The following PARN variants were observed in gnomAD, a reference collection of about 807,000 sequenced individuals.
The protein encoded by PARN is poly(A)-specific ribonuclease, also known as poly(A)-specific ribonuclease PARN.
In PARN, 71 loss-of-function variants were observed where a neutral mutation model predicts 102.8. That is an observed-to-expected ratio of 0.69 (90% CI 0.57 to 0.84). PARN has a LOEUF of 0.84. Ranked by LOEUF, PARN falls within the 40% of genes least tolerant of loss-of-function variation. The pLI is 0.00. For synonymous variants in PARN, 261 were observed against 252.9 expected, an observed-to-expected ratio of 1.03 and a Z score of -0.30; for missense variants, 782 against 760.9, an observed-to-expected ratio of 1.03 and a Z score of -0.33.
In PARN at chr16:14,491,612, A is replaced by C. The variant is rs185780410; in HGVS notation, c.1481-8785T>G. ...GACCCCCATCTCTACAACATAAAAC[A>C]TAAAAATAAATTAGCTGGGTGTGGT... On this transcript the variant is annotated intron_variant, in intron 21 of 23. Coordinates refer to ENST00000437198, the MANE Select transcript of PARN (RefSeq NM_002582.4). Among the ~76,000 whole-genome samples, 6 of 152,148 alleles carry C rather than the reference A, an allele frequency of 3.9e-5. No individual in the cohort carries two copies. The East Asian group carries it at 1.2e-3, about 30-fold the overall frequency.
At chr16:14,569,137 C>G (rs1376969468) in intron 18 of PARN, among the ~76,000 whole-genome samples, 1 of 147,914 alleles carries the variant, frequency 6.8e-6, no homozygotes, top group Non-Finnish European at 1.5e-5. Flanking sequence ...GCTAGAGCCT[C>G]GGAGGTGAAG....
At chr16:14,486,152 C>G (rs1013805024) in intron 21 of PARN, among the ~76,000 whole-genome samples, 1 of 152,020 alleles carries the variant, frequency 6.6e-6, no homozygotes, top group South Asian at 2.1e-4. Flanking sequence ...CCCAGGGGTT[C>G]GAGACCAGCC....
intron 17 of PARN, among the ~76,000 whole-genome samples, chr16:14,581,706 G>A (rs1231971610): frequency 1.3e-5 from 2 of 152,072 alleles, no homozygotes; most frequent in Non-Finnish European, 2.9e-5. Context: ...GATCACTTGA[G>A]CCCAGAAATT....
intron 18 of PARN, among the ~76,000 whole-genome samples, chr16:14,557,582 A>T (rs1372579425): frequency 6.6e-6 from 1 of 151,558 alleles, no homozygotes; most frequent in Non-Finnish European, 1.5e-5. Context: ...AAAAAAGCCA[A>T]GCAGGGCAAA....
intron 21 of PARN, among the ~76,000 whole-genome samples, chr16:14,540,284 A>C (rs1966790282): frequency 6.6e-6 from 1 of 152,210 alleles, no homozygotes; most frequent in Non-Finnish European, 1.5e-5. Flanking sequence ...CATACAGTTT[A>C]AGATTAGGAA....
intron 18 of PARN, among the ~76,000 whole-genome samples, chr16:14,566,366 G>A (rs1325510575): frequency 6.6e-6 from 1 of 152,144 alleles, no homozygotes; most frequent in African/African-American, 2.4e-5. Context: ...ACAGAGACTG[G>A]AGTGATGTGG....
intron 18 of PARN, among the ~76,000 whole-genome samples, chr16:14,579,391 G>A (rs1969364333): frequency 6.6e-6 from 1 of 152,180 alleles, no homozygotes. Context: ...TTTATAAGGA[G>A]CTGACTTTAG....
chr16:14,535,352 A>G (rs1966566083), intron 21 of PARN, among the ~76,000 whole-genome samples: 1 of 152,242 alleles, frequency 6.6e-6, no homozygotes, highest in Non-Finnish European at 1.5e-5. Context: ...TCACTCTGGT[A>G]TTAAAGTGAT....
chr16:14,617,872 T>C (rs1259372661), intron 5 of PARN, among the ~76,000 whole-genome samples: 2 of 152,202 alleles, frequency 1.3e-5, no homozygotes, highest in Non-Finnish European at 2.9e-5. Flanking sequence ...ACATCCTTTG[T>C]TTCACAATTT....
chr16:14,516,109 A>G (rs891579616), intron 21 of PARN, among the ~76,000 whole-genome samples: 1 of 152,082 alleles, frequency 6.6e-6, no homozygotes, highest in Non-Finnish European at 1.5e-5. Flanking sequence ...AAAAAATACA[A>G]GAATAAAAAA....
chr16:14,492,332 T>C (rs1024752134), intron 21 of PARN, among the ~76,000 whole-genome samples: 1 of 151,788 alleles, frequency 6.6e-6, no homozygotes, highest in Non-Finnish European at 1.5e-5. Context: ...AGGAAATGAA[T>C]CAAGGAAAGG....
At chr16:14,522,738 T>G (rs1314654210) in intron 21 of PARN, among the ~76,000 whole-genome samples, 1 of 152,058 alleles carries the variant, frequency 6.6e-6, no homozygotes, top group Non-Finnish European at 1.5e-5. Flanking sequence ...GGCTGCCCCC[T>G]CCAAGTGAAG....
At chr16:14,590,836 G>A (rs1158467232) in intron 13 of PARN, among the ~76,000 whole-genome samples, 3 of 151,980 alleles carry the variant, frequency 2.0e-5, no homozygotes, top group African/African-American at 7.3e-5. Context: ...TTTAAAGGAG[G>A]GTAATCAAAA....
chr16:14,539,925 A>G (rs1386448638), intron 21 of PARN, among the ~76,000 whole-genome samples: 1 of 152,210 alleles, frequency 6.6e-6, no homozygotes, highest in Non-Finnish European at 1.5e-5. Flanking sequence ...CAATATAACA[A>G]CTACTTACAT....
intron 21 of PARN, among the ~76,000 whole-genome samples, chr16:14,538,196 C>T (rs938814639): frequency 6.8e-6 from 1 of 147,868 alleles, no homozygotes; most frequent in East Asian, 2.0e-4. Flanking sequence ...AATTGTTTTC[C>T]TTGTATTTTC....
In PARN at chr16:14,598,166, T is replaced by A. The variant is rs574782596; in HGVS notation, c.840+1738A>T. Among the ~76,000 whole-genome samples, 10 of 151,248 alleles carry A rather than the reference T, an allele frequency of 6.6e-5. No homozygotes were observed. The South Asian group carries it at 2.1e-3, about 32-fold the overall frequency. On this transcript the variant is annotated intron_variant, in intron 12 of 23. Transcript: ENST00000437198. ...TCAAAAAATATATATATATATATAT[T>A]TAAGGTATGGGATTTACGCATCTTA...
chr16:14,572,409 AATC>A (rs1968869858), intron 18 of PARN, among the ~76,000 whole-genome samples: 1 of 152,152 alleles, frequency 6.6e-6, no homozygotes, highest in Non-Finnish European at 1.5e-5. Flanking sequence ...TTCAGTTTAA[AATC>A]TCTCTGATGT....
intron 5 of PARN, among the ~76,000 whole-genome samples, chr16:14,626,604 C>T (rs1972680981): frequency 6.6e-6 from 1 of 151,758 alleles, no homozygotes; most frequent in Admixed American, 6.6e-5. Context: ...CATCTTATTC[C>T]TTAATTCATT....
intron 21 of PARN, among the ~76,000 whole-genome samples, chr16:14,517,486 T>C (rs1965515898): frequency 6.6e-6 from 1 of 152,098 alleles, no homozygotes; most frequent in Admixed American, 6.6e-5. Flanking sequence ...AGGCAACCTA[T>C]GGAATTATGG....
Sources: gnomAD v4.1 joint callset for allele counts (sites outside exome capture counted in the v4.1 genomes callset) on GRCh38, gnomAD v4.1.1 for gene constraint, MANE v1.5 for transcripts, NCBI Gene and HGNC (gene_info 2026-07-23, HGNC 2026-07-21) for gene names.